Variants in SGK1 observed in about 807,000 individuals in gnomAD.
SGK1 encodes the protein serine/threonine-protein kinase Sgk1.
SGK1 carries 26 observed loss-of-function variants against 64.2 expected under a neutral mutation model. The ratio of observed to expected loss-of-function variants is 0.40; its 90% CI spans 0.30 to 0.56. SGK1 has a LOEUF of 0.56. Ranked by LOEUF, SGK1 falls within the 20% of genes least tolerant of loss-of-function variation. The pLI is 0.38. For missense variants in SGK1, 519 were observed against 645.6 expected (o/e 0.80, Z 2.12); for synonymous variants, 265 against 239.7 (o/e 1.11, Z -0.98).
At chr6:134,225,270 G>C (rs193145116) in intron 2 of SGK1, among the ~76,000 whole-genome samples, 73 of 149,024 alleles carry the variant, frequency 4.9e-4, no homozygotes, top group African/African-American at 1.7e-3. Context: ...AGAATCACTG[G>C]AACCAGGGAG....
chr6:134,212,106 T>A (rs1414129963), intron 2 of SGK1, among the ~76,000 whole-genome samples: 1 of 151,648 alleles, frequency 6.6e-6, no homozygotes, highest in Non-Finnish European at 1.5e-5. Flanking sequence ...CAGGCTGGAG[T>A]GCAGTGGTGC....
intron 2 of SGK1, among the ~76,000 whole-genome samples, chr6:134,222,487 C>T (rs1366260503): frequency 1.3e-5 from 2 of 152,074 alleles, no homozygotes; most frequent in Non-Finnish European, 2.9e-5. Flanking sequence ...AGGCGCCCAC[C>T]ACCACGCCTG....
chr6:134,213,643 T>TAAATAAATAAATAATA lies in SGK1; in HGVS notation c.286-6213_286-6212insTATTATTTATTTATTT, dbSNP rs11409950. 1.4e-3 allele frequency among the ~76,000 whole-genome samples: 40 copies of TAAATAAATAAATAATA among 27,884 alleles called. 1 individual carries two copies. In the East Asian group the frequency reaches 0.017, roughly 12 times the overall value. 18.3% of individuals were successfully genotyped at this position (27,884 alleles called of 152,430 possible). A position where few individuals can be genotyped will look rare whatever the true frequency, so the allele number is the denominator to read the frequency against. ...ATAAATAAATAAATAAATAAATAAA[T>TAAATAAATAAATAATA]AATAAATAAATAAAATGTCCTCATG... On this transcript the variant is annotated intron_variant, in intron 2 of 13. Coordinates refer to ENST00000367858, the MANE Select transcript of SGK1 (RefSeq NM_001143676.3).
At chr6:134,315,669 T>C (rs1353194873) in intron 1 of SGK1, among the ~76,000 whole-genome samples, 2 of 152,176 alleles carry the variant, frequency 1.3e-5, no homozygotes, top group African/African-American at 2.4e-5. Flanking sequence ...ATAAATACAG[T>C]AATTAAAAGG....
At chr6:134,291,699 T>C (rs1777266631) in intron 1 of SGK1, among the ~76,000 whole-genome samples, 1 of 152,226 alleles carries the variant, frequency 6.6e-6, no homozygotes, top group South Asian at 2.1e-4. Context: ...ATTGGAACAC[T>C]TATTCTATTT....
intron 1 of SGK1, among the ~76,000 whole-genome samples, chr6:134,316,291 G>C (rs760147728): frequency 6.6e-6 from 1 of 152,124 alleles, no homozygotes; most frequent in African/African-American, 2.4e-5. Flanking sequence ...TGTGTTCTGC[G>C]GATGAGTTAA....
chr6:134,226,157 A>G (rs940940471), intron 2 of SGK1, among the ~76,000 whole-genome samples: 4 of 151,774 alleles, frequency 2.6e-5, no homozygotes, highest in African/African-American at 9.7e-5. Flanking sequence ...AAGGAAGAAG[A>G]AAAAAGAGAA....
intron 3 of SGK1, among the ~76,000 whole-genome samples, chr6:134,189,236 G>GTGTGCA (rs1267174753): frequency 2.6e-5 from 4 of 151,530 alleles, no homozygotes; most frequent in Non-Finnish European, 5.9e-5. Flanking sequence ...GTGCGTGTGC[G>GTGTGCA]TGTGCATGTG....
intron 3 of SGK1, among the ~76,000 whole-genome samples, chr6:134,180,838 C>G (rs140364302): frequency 2.0e-5 from 3 of 149,056 alleles, no homozygotes; most frequent in Non-Finnish European, 4.4e-5. Context: ...TGCCACTGCA[C>G]TCTCGCCGGG....
intron 1 of SGK1, among the ~76,000 whole-genome samples, chr6:134,302,410 T>G (rs1777472358): frequency 6.6e-6 from 1 of 152,228 alleles, no homozygotes; most frequent in African/African-American, 2.4e-5. Context: ...TGTTCACTAC[T>G]TCCTAAGCCT....
chr6:134,260,920 G>T (rs1384137357), intron 2 of SGK1: 1 of 152,094 alleles, frequency 6.6e-6, no homozygotes, highest in East Asian at 1.9e-4. Context: ...GTAATAACAT[G>T]TTCTGTCTTC....
intron 1 of SGK1, among the ~76,000 whole-genome samples, chr6:134,295,642 G>A (rs1777336628): frequency 6.6e-6 from 1 of 151,926 alleles, no homozygotes; most frequent in Non-Finnish European, 1.5e-5. Flanking sequence ...CCCGGAGGTT[G>A]CAGTGAGCTG....
intron 2 of SGK1, 83 bp downstream of exon 2, chr6:134,261,849 TG>T: frequency 1.1e-6 from 1 of 952,316 alleles, no homozygotes; most frequent in Admixed American, 1.8e-5. Flanking sequence ...AATTATTTTT[TG>T]GGTATACTCT....
At chr6:134,284,471 T>TTTTC (rs537334682) in intron 1 of SGK1, among the ~76,000 whole-genome samples, 8 of 145,350 alleles carry the variant, frequency 5.5e-5, no homozygotes, top group East Asian at 2.2e-4. Context: ...ATATTTGGCT[T>TTTTC]TTTCTTTCTT....
intron 1 of SGK1, among the ~76,000 whole-genome samples, chr6:134,303,368 G>C (rs892760910): frequency 2.0e-5 from 3 of 151,732 alleles, no homozygotes; most frequent in Non-Finnish European, 2.9e-5. Context: ...CTCCAGCCTG[G>C]GTGACAGAGC....
intron 3 of SGK1, among the ~76,000 whole-genome samples, chr6:134,186,283 G>C (rs1763512): frequency 0.55 from 84,355 of 152,010 alleles, 24,165 homozygotes; most frequent in African/African-American, 0.63. Context: ...CCCCAGAAGA[G>C]AAGGTAAAGT....
chr6:134,209,624 A>C (rs1235456861), intron 2 of SGK1, among the ~76,000 whole-genome samples: 1 of 152,164 alleles, frequency 6.6e-6, no homozygotes, highest in Non-Finnish European at 1.5e-5. Flanking sequence ...ATACTCAAGA[A>C]TGACACTAAG....
chr6:134,174,439 C>T (rs771740781), intron 4 of SGK1, 72 bp downstream of exon 4: 82 of 1,096,546 alleles, frequency 7.5e-5, no homozygotes, highest in Non-Finnish European at 1.1e-4. Context: ...CCGATAAACG[C>T]CGTGATGAGA....
At chr6:134,196,473 A>T (rs930498581) in intron 3 of SGK1, among the ~76,000 whole-genome samples, 3 of 151,818 alleles carry the variant, frequency 2.0e-5, no homozygotes, top group African/African-American at 7.2e-5. Flanking sequence ...CCTAAAAAAA[A>T]TTAAAATAAT....
Sources: allele counts gnomAD v4.1 joint callset (sites outside exome capture counted in the v4.1 genomes callset), GRCh38; gene constraint gnomAD v4.1.1; transcripts MANE v1.5; gene names NCBI Gene and HGNC (gene_info 2026-07-23, HGNC 2026-07-21).